Variants in TFAP2E observed in about 807,000 individuals in gnomAD.
TFAP2E encodes transcription factor AP-2 epsilon.
TFAP2E carries 30 observed loss-of-function variants against 37.9 expected under a neutral mutation model. The ratio of observed to expected loss-of-function variants is 0.79; its 90% CI spans 0.59 to 1.07. TFAP2E has a LOEUF of 1.07. TFAP2E is among the 50% of genes least tolerant of loss of function. The pLI is 0.00. For missense variants in TFAP2E, 567 were observed against 637.9 expected, an observed-to-expected ratio of 0.89 and a Z score of 1.20; for synonymous variants, 318 against 295.8, an observed-to-expected ratio of 1.08 and a Z score of -0.77.
At position 35,577,614 on chromosome 1, in the gene TFAP2E, G is replaced by A; in HGVS notation, c.562+2614G>A. On this transcript the variant is annotated intron_variant, in intron 3 of 6. Transcript: ENST00000373235. This position sits in a 1 kb window ranked among gnomAD's most constrained non-coding sequence, Gnocchi z 6.3. ...TTGGGGTCCTTGGTGCGAAAGGGAG[G>A]CAGCTGCAGCCTCAGCCCCACCCCA... is the stretch of plus-strand genomic sequence containing the variant. 2.8e-6 allele frequency: 1 copy of A among 351,024 alleles called. No homozygotes were observed. 21.7% of individuals were successfully genotyped at this position (351,024 alleles called of 1,614,324 possible).
At chr1:35,578,368 C>T (rs1649243554) in intron 3 of TFAP2E, among the ~76,000 whole-genome samples, 1 of 150,996 alleles carries the variant, frequency 6.6e-6, no homozygotes, top group East Asian at 2.0e-4. Flanking sequence ...GCGGAGATTG[C>T]AGTGAGCCAA....
At chr1:35,589,849 G>A in intron 4 of TFAP2E, 81 bp from the exon 5 acceptor site, 2 of 1,454,234 alleles carry the variant, frequency 1.4e-6, no homozygotes, top group African/African-American at 1.4e-5. Context: ...GAGGCAACAA[G>A]GCCCTTTGGC....
At chr1:35,593,889 T>C (rs1453786873) in intron 6 of TFAP2E, among the ~76,000 whole-genome samples, 3 of 152,214 alleles carry the variant, frequency 2.0e-5, no homozygotes, top group East Asian at 3.8e-4. Flanking sequence ...CTTGTCCGTA[T>C]GATGGGGATA....
At chr1:35,594,122 C>T (rs1158791742) in intron 6 of TFAP2E, among the ~76,000 whole-genome samples, 1 of 152,154 alleles carries the variant, frequency 6.6e-6, no homozygotes, top group African/African-American at 2.4e-5. Context: ...CTGAGCTGCA[C>T]TTTGAATGAA....
At chr1:35,593,037 GAGAAAGAGAGAA>G (rs139084612) in intron 6 of TFAP2E, among the ~76,000 whole-genome samples, 8,368 of 152,136 alleles carry the variant, frequency 0.055, 303 homozygotes, top group Non-Finnish European at 0.078. Context: ...GAGGGGGATA[GAGAAAGAGAGAA>G]AGAAAGAGAG....
Position 35,588,309 on chromosome 1 carries a change from G to C in TFAP2E, c.563-21G>C. On this transcript the variant is annotated intron_variant, in intron 3 of 6. Coordinates refer to ENST00000373235, the MANE Select transcript of TFAP2E (RefSeq NM_178548.4). The surrounding 1 kb of genome is among the most constrained non-coding windows in gnomAD (Gnocchi z 5.1). ...GCTGTGTGCGGCAGCCACTGGCTCA[G>C]CGTTTCCCTCTTCTCCACAGTGCCC... 6.3e-7 allele frequency: 1 copy of C among 1,592,230 alleles called. No individual in the cohort carries two copies. The highest frequency in any genetic ancestry group is 1.1e-5 in the South Asian group (1 of 89,378).
rs955074808 is a variant in TFAP2E, at chr1:35,577,126, C to A, written c.562+2126C>A. Among the ~76,000 whole-genome samples the A allele has an allele frequency of 7.9e-5, 12 of 152,238 alleles. No individual in the cohort carries two copies. The highest frequency in any genetic ancestry group is 1.5e-4 in the Non-Finnish European group (10 of 68,044). ...TGCGCCCTGGACGCCCCAGCCTAGA[C>A]GTCAAGTTACAGCCCGCGCAGCAGC... On this transcript the variant is annotated intron_variant, in intron 3 of 6. Coordinates refer to ENST00000373235, the MANE Select transcript of TFAP2E (RefSeq NM_178548.4). This position sits in a 1 kb window ranked among gnomAD's most constrained non-coding sequence, Gnocchi z 6.3.
intron 3 of TFAP2E, among the ~76,000 whole-genome samples, chr1:35,575,308 C>T (rs973147288): frequency 6.6e-6 from 1 of 152,256 alleles, no homozygotes; most frequent in Non-Finnish European, 1.5e-5. Flanking sequence ...CGAGTTAAAC[C>T]ACTTCCCTGT....
chr1:35,583,226 T>A (rs904937100), intron 3 of TFAP2E, among the ~76,000 whole-genome samples: 5 of 152,112 alleles, frequency 3.3e-5, no homozygotes, highest in African/African-American at 4.8e-5. Flanking sequence ...TGGGCCTTGC[T>A]TTTGGTGTTG....
In TFAP2E at chr1:35,574,965, G is replaced by C. The variant is rs201242677; in HGVS notation, c.527G>C (p.Gly176Ala). The change falls in exon 3 of 7, where the codon GGA (glycine) becomes GCA (alanine). Residue 176 changes from glycine (G) to alanine (A), a missense_variant. Physicochemically the swap from Gly to Ala is moderately conservative, Grantham distance 60. Around this residue, in one of 3 missense-constraint regions of TFAP2E, gnomAD observed 312 missense variants for 317.4 expected, o/e 0.98. Coordinates refer to ENST00000373235, the MANE Select transcript of TFAP2E (RefSeq NM_178548.4). ...TATTTGCAGGCAATGGACGAGCCGG[G>C]AATGAGCCTCCTAGACCAGTCCGTG... ...LEDLQAMDEP[G>A]MSLLDQSVIK... 186 of 1,613,906 alleles carry C rather than the reference G, an allele frequency of 1.2e-4. No individual in the cohort carries two copies. The highest frequency in any genetic ancestry group is 1.6e-4 in the Non-Finnish European group (183 of 1,180,024).
Position 35,586,228 on chromosome 1 carries a change from G to A in TFAP2E, c.563-2102G>A, listed in dbSNP as rs538144393. Among the ~76,000 whole-genome samples the A allele has an allele frequency of 2.6e-5, 4 of 152,334 alleles. No individual in the cohort carries two copies. The East Asian group carries it at 7.7e-4, about 29-fold the overall frequency. ...CCATTGTAACATGATGGTTAAAGCTGTGAACTCTGGAGTCAGTGCTCAGAG... is the reference window on the plus strand; with the variant it reads ...CCATTGTAACATGATGGTTAAAGCTATGAACTCTGGAGTCAGTGCTCAGAG... On this transcript the variant is annotated intron_variant, in intron 3 of 6. Coordinates refer to ENST00000373235, the MANE Select transcript of TFAP2E (RefSeq NM_178548.4).
rs1367820351 is a variant in TFAP2E, at chr1:35,594,624, G to T, written c.1277G>T (p.Ser426Ile). 1 of 1,614,130 alleles carries T rather than the reference G, an allele frequency of 6.2e-7. No homozygotes were observed. Among genetic ancestry groups the T allele is most frequent in the Non-Finnish European group, 8.5e-7 (1 of 1,180,058 alleles). Residue 426 changes from serine (S) to isoleucine (I), a missense_variant, in exon 7 of 7, where the codon AGT becomes ATT. Coordinates refer to ENST00000373235, the MANE Select transcript of TFAP2E (RefSeq NM_178548.4). ...AAGATGTTTCTAAGCAGTGTGGGCAGTGGGCATGGTGAAACCAAGGCTTCG... is the reference window on the plus strand; with the variant it reads ...AAGATGTTTCTAAGCAGTGTGGGCATTGGGCATGGTGAAACCAAGGCTTCG... Reference protein sequence around the residue: ...LDKMFLSSVGSGHGETKASEK... With the variant: ...LDKMFLSSVGIGHGETKASEK...
At position 35,588,178 on chromosome 1, in the gene TFAP2E, A is replaced by G; in HGVS notation, c.563-152A>G. The G allele has an allele frequency of 1.5e-6, 1 of 674,156 alleles. No homozygotes were observed. The highest frequency in any genetic ancestry group is 2.4e-6 in the Non-Finnish European group (1 of 417,060). The allele number at this position is 674,156 out of a possible 1,614,324, so 41.8% of individuals were successfully genotyped here. ...CAGACAACTCGGAGTTCAGTCTCTG[A>G]GTTCACATCCATCAGTTGAGGGAAC... On this transcript the variant is annotated intron_variant, in intron 3 of 6. Transcript: ENST00000373235. This position sits in a 1 kb window ranked among gnomAD's most constrained non-coding sequence, Gnocchi z 5.1.
At chr1:35,593,922 A>G (rs76338500) in intron 6 of TFAP2E, among the ~76,000 whole-genome samples, 2,805 of 152,324 alleles carry the variant, frequency 0.018, 103 homozygotes, top group African/African-American at 0.063. Flanking sequence ...ACTTGTTATG[A>G]AGATTAAGAT....
chr1:35,576,315 T>G (rs908613841), intron 3 of TFAP2E, among the ~76,000 whole-genome samples: 1 of 151,906 alleles, frequency 6.6e-6, no homozygotes, highest in Non-Finnish European at 1.5e-5. Flanking sequence ...GGAGGTGGAA[T>G]TGGGGCTGTG....
rs1649647386 is a variant in TFAP2E at position 35,590,912 on chromosome 1, G to A, written c.1046+137G>A. 1 of 1,052,938 alleles carries A rather than the reference G, an allele frequency of 9.5e-7. No individual in the cohort carries two copies. The highest frequency in any genetic ancestry group is 3.8e-5 in the South Asian group (1 of 26,342). The allele number at this position is 1,052,938 out of a possible 1,614,324, so 65.2% of individuals were successfully genotyped here. A position where few individuals can be genotyped will look rare whatever the true frequency, so the allele number is the denominator to read the frequency against. ...TTGCGCACCACTGTGTACACGAGCA[G>A]TGGGCACACACACATACGTGCGCAC... On this transcript the variant is annotated intron_variant, in intron 6 of 6. Transcript: ENST00000373235. This position sits in a 1 kb window ranked among gnomAD's most constrained non-coding sequence, Gnocchi z 6.2.
intron 3 of TFAP2E, among the ~76,000 whole-genome samples, chr1:35,581,531 G>A (rs1180470804): frequency 6.6e-6 from 1 of 151,444 alleles, no homozygotes; most frequent in Non-Finnish European, 1.5e-5. Flanking sequence ...CAATGTGTGA[G>A]GGTTCCACTT....
intron 3 of TFAP2E, among the ~76,000 whole-genome samples, chr1:35,584,267 TA>T (rs1334912963): frequency 6.6e-6 from 1 of 152,160 alleles, no homozygotes; most frequent in East Asian, 1.9e-4. Context: ...CTGGCTAACT[TA>T]AAAAAATTTT....
In TFAP2E at chr1:35,573,637, C is replaced by G. The variant is rs377428445; in HGVS notation, c.27+33C>G. 6.5e-7 allele frequency: 1 copy of G among 1,537,348 alleles called. No individual in the cohort carries two copies. Among genetic ancestry groups the G allele is most frequent in the Admixed American group, 2.0e-5 (1 of 50,028 alleles). ...GTCTCGGGCCCGGGACATATTCGGC[C>G]GGGGGATCGGGGCGCCTGAGTGCTG... On this transcript the variant is annotated intron_variant, in intron 1 of 6. Transcript: ENST00000373235. The surrounding 1 kb of genome is among the most constrained non-coding windows in gnomAD (Gnocchi z 5.9).
Sources: gnomAD v4.1 joint callset for allele counts (sites outside exome capture counted in the v4.1 genomes callset) on GRCh38, gnomAD v4.1.1 for gene constraint, gnomAD v4.1.1 regional missense constraint, Gnocchi (gnomAD v3.1) non-coding constraint, MANE v1.5 for transcripts, NCBI Gene and HGNC (gene_info 2026-07-23, HGNC 2026-07-21) for gene names.